Variants in WDR72 observed in about 807,000 individuals in gnomAD.
The protein encoded by WDR72 is WD repeat domain 72.
WDR72 carries 120 observed loss-of-function variants against 124.2 expected under a neutral mutation model. The ratio of observed to expected loss-of-function variants is 0.97; its 90% CI spans 0.83 to 1.12. The LOEUF is 1.12. Ranked by LOEUF, WDR72 falls within the 50% of genes most tolerant of loss-of-function variation. The pLI is 0.00. For synonymous variants in WDR72, 452 were observed against 441.7 expected, an observed-to-expected ratio of 1.02 and a Z score of -0.29; for missense variants, 1,387 against 1,278.8, an observed-to-expected ratio of 1.08 and a Z score of -1.29.
intron 12 of WDR72, among the ~76,000 whole-genome samples, chr15:53,700,685 T>A (rs2017144545): frequency 6.6e-6 from 1 of 152,118 alleles, no homozygotes; most frequent in South Asian, 2.1e-4. Context: ...ATCATTAACC[T>A]CTCTGGAGGC....
At chr15:53,641,819 C>T (rs1051438257) in intron 14 of WDR72, among the ~76,000 whole-genome samples, 4 of 151,822 alleles carry the variant, frequency 2.6e-5, no homozygotes, top group African/African-American at 9.6e-5. Flanking sequence ...AGCCAACGAC[C>T]ATGCTGAACA....
intron 18 of WDR72, among the ~76,000 whole-genome samples, chr15:53,594,012 C>G (rs1259660905): frequency 6.6e-6 from 1 of 151,754 alleles, no homozygotes; most frequent in Non-Finnish European, 1.5e-5. Context: ...GTCCTTTACA[C>G]AGAGAACTAA....
intron 18 of WDR72, among the ~76,000 whole-genome samples, chr15:53,591,541 C>A (rs2012493780): frequency 6.6e-6 from 1 of 151,962 alleles, no homozygotes; most frequent in Non-Finnish European, 1.5e-5. Flanking sequence ...AAATACGCAT[C>A]AACAATATAT....
intron 13 of WDR72, among the ~76,000 whole-genome samples, chr15:53,683,799 A>G (rs1402629964): frequency 6.6e-6 from 1 of 152,122 alleles, no homozygotes; most frequent in Non-Finnish European, 1.5e-5. Flanking sequence ...TTTTTTAAAA[A>G]GTATACGGAT....
chr15:53,593,167 T>C (rs1314709008), intron 18 of WDR72, among the ~76,000 whole-genome samples: 3 of 152,106 alleles, frequency 2.0e-5, no homozygotes, highest in Non-Finnish European at 4.4e-5. Flanking sequence ...ATTATGAGGG[T>C]TGAGATGGCA....
chr15:53,623,880 G>A (rs1371571883), intron 14 of WDR72, among the ~76,000 whole-genome samples: 1 of 152,142 alleles, frequency 6.6e-6, no homozygotes, highest in African/African-American at 2.4e-5. Flanking sequence ...TAGCCATCCT[G>A]ACTGGCATGA....
At chr15:53,637,723 T>C (rs1340015120) in intron 14 of WDR72, among the ~76,000 whole-genome samples, 4 of 152,164 alleles carry the variant, frequency 2.6e-5, no homozygotes, top group Non-Finnish European at 4.4e-5. Flanking sequence ...TCCCAAATCC[T>C]ACCTCCTTTA....
chr15:53,641,235 G>A (rs570543376), intron 14 of WDR72, among the ~76,000 whole-genome samples: 1 of 152,058 alleles, frequency 6.6e-6, no homozygotes, highest in South Asian at 2.1e-4. Flanking sequence ...GACTTTAAGT[G>A]CCATCTTTAA....
chr15:53,613,723 T>G lies in WDR72; in HGVS notation c.2815A>C (p.Arg939=), dbSNP rs776778912. 6.2e-7 allele frequency: 1 copy of G among 1,610,742 alleles called. No individual in the cohort carries two copies. The highest frequency in any genetic ancestry group is 8.5e-7 in the Non-Finnish European group (1 of 1,177,932). Residue 939 remains arginine, a synonymous_variant, in exon 16 of 20, where the codon AGA becomes CGA. Transcript: ENST00000360509. The part of the protein sequence containing the change: ...FRMESIHNKM[R]GAGNDILNMS... ...TTTAAAATGTCATTCCCAGCACCTC[T>G]CATCTTATTATGTATACTTTCCATT...
At chr15:53,639,456 T>C (rs1245652207) in intron 14 of WDR72, among the ~76,000 whole-genome samples, 3 of 85,138 alleles carry the variant, frequency 3.5e-5, no homozygotes, top group African/African-American at 1.0e-4. Context: ...CTACAGATAA[T>C]TAAAAATTAT....
intron 3 of WDR72, 80 bp downstream of exon 3, chr15:53,722,722 G>A: frequency 8.1e-7 from 1 of 1,235,462 alleles, no homozygotes; most frequent in Non-Finnish European, 1.2e-6. Context: ...GTTTCCTTCA[G>A]CCCTAAAATT....
chr15:53,705,217 G>A lies in WDR72; in HGVS notation c.1119C>T (p.Ala373=), dbSNP rs1161077093. The change falls in exon 11 of 20, where the codon GCC becomes GCT. Residue 373 remains alanine, a synonymous_variant. Transcript: ENST00000360509. ...DGSPREIPVT[A]TWTLQDNFDK... The stretch of plus-strand genomic sequence containing the variant: ...CAAAATTATCTTGAAGAGTCCAGGT[G>A]GCAGTTACTGGTATCTCTAAAAAGA... The A allele has an allele frequency of 6.2e-7, 1 of 1,613,252 alleles. No individual in the cohort carries two copies. Among genetic ancestry groups the A allele is most frequent in the African/African-American group, 1.3e-5 (1 of 74,874 alleles).
chr15:53,553,857 A>C (rs1259205780), intron 18 of WDR72, among the ~76,000 whole-genome samples: 1 of 152,180 alleles, frequency 6.6e-6, no homozygotes, highest in African/African-American at 2.4e-5. Context: ...TTGAAACCTT[A>C]AAAATTTCCA....
intron 17 of WDR72, among the ~76,000 whole-genome samples, chr15:53,607,811 G>GA (rs2013353579): frequency 6.6e-6 from 1 of 151,902 alleles, no homozygotes; most frequent in African/African-American, 2.4e-5. Context: ...AACTCTATAG[G>GA]AAAAATCTAA....
At chr15:53,601,639 G>T (rs1199718925) in intron 17 of WDR72, among the ~76,000 whole-genome samples, 4 of 152,226 alleles carry the variant, frequency 2.6e-5, no homozygotes, top group Non-Finnish European at 5.9e-5. Flanking sequence ...TAAAGGGTTG[G>T]AGGAAAATCT....
At chr15:53,752,227 C>G (rs1000884191) in intron 1 of WDR72, among the ~76,000 whole-genome samples, 4 of 152,148 alleles carry the variant, frequency 2.6e-5, no homozygotes, top group African/African-American at 9.7e-5. Flanking sequence ...CTGCCACATT[C>G]TCATCTAATA....
rs540004829 is a variant in WDR72, at chr15:53,514,751, G to T, written c.*2948C>A. 6.6e-5 allele frequency: 10 copies of T among 151,908 alleles called. No homozygotes were observed. Among genetic ancestry groups the T allele is most frequent in the African/African-American group, 1.9e-4 (8 of 41,444 alleles). The allele number at this position is 151,908 out of a possible 1,614,324, so 9.4% of individuals were successfully genotyped here. ...TTCCTTATATTTGAAGTGTTTAATA[G>T]TGCTCACATTGCTTTCTAGCACCTC... On this transcript the variant is annotated 3_prime_UTR_variant, in exon 20 of 20. Coordinates refer to ENST00000360509, the MANE Select transcript of WDR72 (RefSeq NM_182758.4).
chr15:53,720,506 T>C (rs1249904357), intron 3 of WDR72, among the ~76,000 whole-genome samples: 1 of 152,238 alleles, frequency 6.6e-6, no homozygotes, highest in Non-Finnish European at 1.5e-5. Flanking sequence ...ATTATACTTA[T>C]CGTGAGTCTG....
At chr15:53,681,686 A>C (rs945779189) in intron 13 of WDR72, among the ~76,000 whole-genome samples, 1 of 152,254 alleles carries the variant, frequency 6.6e-6, no homozygotes, top group Admixed American at 6.5e-5. Context: ...TTTTATCATT[A>C]GAATGAGACT....
Sources: gnomAD v4.1 joint callset for allele counts (sites outside exome capture counted in the v4.1 genomes callset) on GRCh38, gnomAD v4.1.1 for gene constraint, MANE v1.5 for transcripts, NCBI Gene and HGNC (gene_info 2026-07-23, HGNC 2026-07-21) for gene names.